Variants in SEMA3A observed in about 807,000 individuals in gnomAD.
SEMA3A encodes the protein semaphorin-3A.
A neutral mutation model predicts 97.9 loss-of-function variants in SEMA3A; 29 were observed. The ratio of observed to expected loss-of-function variants is 0.30; its 90% confidence interval spans 0.22 to 0.40. The LOEUF is 0.40. SEMA3A is among the 10% of genes least tolerant of loss of function. The pLI is 1.00. For synonymous variants in SEMA3A, 321 were observed against 323.7 expected (o/e 0.99, Z 0.09); for missense variants, 763 against 951.3 (o/e 0.80, Z 2.60).
intron 3 of SEMA3A, among the ~76,000 whole-genome samples, chr7:84,298,354 T>A (rs1484150616): frequency 6.6e-6 from 1 of 152,136 alleles, no homozygotes; most frequent in Non-Finnish European, 1.5e-5. Context: ...AGGAAAGGCA[T>A]AGCAGAGAAT....
At chr7:84,257,337 A>G (rs1799740151) in intron 3 of SEMA3A, among the ~76,000 whole-genome samples, 1 of 151,938 alleles carries the variant, frequency 6.6e-6, no homozygotes, top group Non-Finnish European at 1.5e-5. Context: ...TGCAGTTCAG[A>G]TCTACTGTAA....
intron 1 of SEMA3A, among the ~76,000 whole-genome samples, chr7:84,154,166 T>G (rs2116137108): frequency 6.6e-6 from 1 of 152,248 alleles, no homozygotes; most frequent in Non-Finnish European, 1.5e-5. Flanking sequence ...TAGTGCAACT[T>G]AATTTTCAAG....
At chr7:84,454,807 T>A (rs1271320705) in intron 1 of SEMA3A, among the ~76,000 whole-genome samples, 1 of 151,948 alleles carries the variant, frequency 6.6e-6, no homozygotes, top group African/African-American at 2.4e-5. Flanking sequence ...TATTAAATCT[T>A]TTTACAACTG....
At chr7:84,160,231 A>G (rs765459767) in intron 1 of SEMA3A, among the ~76,000 whole-genome samples, 1 of 5,578 alleles carries the variant, frequency 1.8e-4, no homozygotes, top group Non-Finnish European at 4.0e-4. Context: ...CTGTCTATCT[A>G]TCTATCTATC....
chr7:84,045,940 C>T (rs75579585), intron 6 of SEMA3A, among the ~76,000 whole-genome samples: 7,292 of 148,576 alleles, frequency 0.049, 283 homozygotes, highest in East Asian at 0.2. Context: ...TATAAGATGA[C>T]GTTTTCAAGG....
At chr7:84,066,977 C>G (rs1208820992) in intron 4 of SEMA3A, among the ~76,000 whole-genome samples, 1 of 151,976 alleles carries the variant, frequency 6.6e-6, no homozygotes, top group Non-Finnish European at 1.5e-5. Flanking sequence ...AATCCTAAGC[C>G]AAAAGAACAA....
intron 1 of SEMA3A, among the ~76,000 whole-genome samples, chr7:84,436,787 T>C (rs1316991086): frequency 6.6e-6 from 1 of 152,140 alleles, no homozygotes; most frequent in Non-Finnish European, 1.5e-5. Context: ...CTTATGCAAA[T>C]GTGCAAAAAG....
chr7:84,314,412 G>A (rs1801443756), intron 2 of SEMA3A, among the ~76,000 whole-genome samples: 1 of 152,108 alleles, frequency 6.6e-6, no homozygotes, highest in African/African-American at 2.4e-5. Flanking sequence ...AATGGGACAT[G>A]ACTGCAAGTA....
At chr7:84,483,953 A>C (rs909523716) in intron 1 of SEMA3A, among the ~76,000 whole-genome samples, 2 of 152,056 alleles carry the variant, frequency 1.3e-5, no homozygotes, top group South Asian at 2.1e-4. Flanking sequence ...CTGAGGCAGG[A>C]GAACCACTTA....
At chr7:84,329,561 T>C (rs1000274070) in intron 2 of SEMA3A, among the ~76,000 whole-genome samples, 2 of 151,916 alleles carry the variant, frequency 1.3e-5, no homozygotes, top group Non-Finnish European at 1.5e-5. Context: ...AGAAGAAACA[T>C]GCACATATCA....
intron 1 of SEMA3A, among the ~76,000 whole-genome samples, chr7:84,377,790 G>C (rs1803145419): frequency 6.6e-6 from 1 of 152,158 alleles, no homozygotes; most frequent in Non-Finnish European, 1.5e-5. Flanking sequence ...AGGTGTCCCA[G>C]GGAGAGGTGT....
intron 1 of SEMA3A, 105 bp downstream of exon 1, chr7:84,194,370 G>A (rs1374953155): frequency 9.5e-6 from 7 of 734,734 alleles, no homozygotes; most frequent in Non-Finnish European, 1.7e-5. Context: ...GGTTTACCAG[G>A]TTAAACTAAA....
intron 4 of SEMA3A, among the ~76,000 whole-genome samples, chr7:84,095,271 T>A (rs1794725779): frequency 6.8e-6 from 1 of 146,836 alleles, no homozygotes; most frequent in Admixed American, 6.9e-5. Context: ...ATACCATTAT[T>A]ATGTAGCATA....
chr7:84,446,721 C>A (rs1805422693), intron 1 of SEMA3A, among the ~76,000 whole-genome samples: 1 of 152,160 alleles, frequency 6.6e-6, no homozygotes, highest in Non-Finnish European at 1.5e-5. Context: ...AGACTGAAAG[C>A]TTTTCTCCTA....
chr7:84,249,608 A>G (rs1277673890), intron 3 of SEMA3A, among the ~76,000 whole-genome samples: 1 of 152,018 alleles, frequency 6.6e-6, no homozygotes, highest in Non-Finnish European at 1.5e-5. Flanking sequence ...TAGGAATGCC[A>G]CCTGTTTTTA....
chr7:83,959,826 G>A lies in SEMA3A; in HGVS notation c.*1545C>T, dbSNP rs1052343. 1 of 151,982 alleles carries A rather than the reference G, an allele frequency of 6.6e-6. No homozygotes were observed. Among genetic ancestry groups the A allele is most frequent in the Non-Finnish European group, 1.5e-5 (1 of 67,906 alleles). The allele number at this position is 151,982 out of a possible 1,614,324, so 9.4% of individuals were successfully genotyped here. On this transcript the variant is annotated 3_prime_UTR_variant, in exon 17 of 17. Coordinates refer to ENST00000265362, the MANE Select transcript of SEMA3A (RefSeq NM_006080.3). ...GCAAAAGAAACCACAGTATAATGCT[G>A]AAAGTTTTAAATATCTCAAAGTCAG... is the stretch of plus-strand genomic sequence containing the variant.
chr7:84,053,742 T>C (rs1348849510), intron 5 of SEMA3A, among the ~76,000 whole-genome samples: 3 of 149,632 alleles, frequency 2.0e-5, no homozygotes, highest in Non-Finnish European at 4.5e-5. Context: ...TGTGTGAATT[T>C]GATCCTGTCA....
At chr7:84,400,276 T>C (rs1042267276) in intron 1 of SEMA3A, among the ~76,000 whole-genome samples, 1 of 152,122 alleles carries the variant, frequency 6.6e-6, no homozygotes, top group Non-Finnish European at 1.5e-5. Context: ...GATATGATCA[T>C]ACCAAATGGA....
chr7:84,239,533 GTC>G (rs147573588), intron 3 of SEMA3A, among the ~76,000 whole-genome samples: 10,846 of 152,144 alleles, frequency 0.071, 528 homozygotes, highest in Non-Finnish European at 0.083. Context: ...ATTTTTGAGA[GTC>G]TTGTATAATG....
Sources: gnomAD v4.1 joint callset for allele counts (sites outside exome capture counted in the v4.1 genomes callset) on GRCh38, gnomAD v4.1.1 for gene constraint, MANE v1.5 for transcripts, NCBI Gene and HGNC (gene_info 2026-07-23, HGNC 2026-07-21) for gene names.